ADGRG6: variants seen among roughly 807,000 people sequenced by gnomAD.
ADGRG6 encodes the protein G-protein coupled receptor 126.
In ADGRG6, 84 loss-of-function variants were observed where a neutral mutation model predicts 142.4. That is an observed-to-expected ratio of 0.59 (90% CI 0.49 to 0.71). The LOEUF (loss-of-function observed/expected upper bound fraction) is 0.71. Among genes scored for constraint, ADGRG6 ranks in the 30% least tolerant of loss-of-function variants. ADGRG6 has a pLI of 0.00. For missense variants in ADGRG6, 1,367 were observed against 1,466.6 expected, an observed-to-expected ratio of 0.93 and a Z score of 1.11; for synonymous variants, 521 against 520.5, an observed-to-expected ratio of 1.00 and a Z score of -0.01.
In ADGRG6 at chr6:142,410,194, A is replaced by G. The variant is rs148991532; in HGVS notation, c.2434+275A>G. Among the ~76,000 whole-genome samples, 1,055 of 152,196 alleles carry G rather than the reference A, an allele frequency of 6.9e-3. 9 individuals carry two copies. Among genetic ancestry groups the G allele is most frequent in the African/African-American group, 0.023 (970 of 41,552 alleles). On this transcript the variant is annotated intron_variant, in intron 17 of 24. Transcript: ENST00000367609. ...CTCTTTGACATCAGTTATTTATAAA[A>G]TACAGCATACAATTTTATTGCTACT...
At chr6:142,385,584 T>C (rs1344312103) in intron 6 of ADGRG6, among the ~76,000 whole-genome samples, 2 of 152,216 alleles carry the variant, frequency 1.3e-5, no homozygotes, top group Non-Finnish European at 2.9e-5. Flanking sequence ...AAACCAGTCC[T>C]ACTTGTTATA....
chr6:142,375,188 C>T (rs1024978827), intron 4 of ADGRG6, among the ~76,000 whole-genome samples: 5 of 152,170 alleles, frequency 3.3e-5, no homozygotes, highest in Non-Finnish European at 7.4e-5. Context: ...TAAACTCTGT[C>T]CCTGAGACTC....
chr6:142,354,274 G>A (rs2114789635), intron 2 of ADGRG6, among the ~76,000 whole-genome samples: 1 of 152,296 alleles, frequency 6.6e-6, no homozygotes, highest in African/African-American at 2.4e-5. Context: ...GGCTACTCAG[G>A]AGGCTGAGGC....
intron 7 of ADGRG6, among the ~76,000 whole-genome samples, chr6:142,392,013 A>G (rs1224871058): frequency 1.3e-5 from 2 of 151,928 alleles, no homozygotes; most frequent in Non-Finnish European, 2.9e-5. Flanking sequence ...TTTACTAGAC[A>G]TTTTTGTTTA....
intron 15 of ADGRG6, among the ~76,000 whole-genome samples, chr6:142,406,135 G>A (rs1195537540): frequency 6.6e-6 from 1 of 151,334 alleles, no homozygotes; most frequent in Non-Finnish European, 1.5e-5. Context: ...AATATTTTAT[G>A]CTCTCCAATC....
chr6:142,439,374 A>G (rs780073637), intron 24 of ADGRG6, among the ~76,000 whole-genome samples: 2 of 152,208 alleles, frequency 1.3e-5, no homozygotes, highest in Non-Finnish European at 2.9e-5. Flanking sequence ...AAACATGAGC[A>G]GAGGTGAATG....
At chr6:142,406,582 G>A (rs1280548651) in intron 15 of ADGRG6, among the ~76,000 whole-genome samples, 2 of 152,172 alleles carry the variant, frequency 1.3e-5, no homozygotes, top group Non-Finnish European at 2.9e-5. Flanking sequence ...TATGTCATGT[G>A]TAGAGGAGCA....
intron 14 of ADGRG6, among the ~76,000 whole-genome samples, chr6:142,404,843 G>T (rs915033595): frequency 6.6e-6 from 1 of 152,132 alleles, no homozygotes; most frequent in South Asian, 2.1e-4. Context: ...GGGATAGCAG[G>T]TGACAGTACG....
chr6:142,367,906 C>A lies in ADGRG6; in HGVS notation c.441C>A (p.Ile147=), dbSNP rs1481110371. The change falls in exon 3 of 25, where the codon ATC becomes ATA. Residue 147 remains isoleucine, a synonymous_variant. Coordinates refer to ENST00000367609, the MANE Select transcript of ADGRG6 (RefSeq NM_198569.3). The part of the protein sequence containing the change: ...IQKKGFNASY[I]RVAVSLRNQK... ...AGAAAGGTTTCAATGCCAGCTACATCAGAGGTATGTAAACCAAAGGCAACG... is the reference window on the plus strand; with the variant it reads ...AGAAAGGTTTCAATGCCAGCTACATAAGAGGTATGTAAACCAAAGGCAACG... The A allele has an allele frequency of 3.8e-6, 6 of 1,590,838 alleles. No individual in the cohort carries two copies. The highest frequency in any genetic ancestry group is 5.1e-6 in the Non-Finnish European group (6 of 1,166,434).
rs371000617 is a variant in ADGRG6, at chr6:142,370,165, C to T, written c.446-5C>T. ...GTTTATCTTTCTTGTTATGTTTTGT[C>T]CTAGTTGCCGTGTCCTTAAGGAATC... On this transcript the variant is annotated splice_polypyrimidine_tract_variant and splice_region_variant and intron_variant, in intron 3 of 24. Transcript: ENST00000367609. The T allele has an allele frequency of 1.9e-6, 3 of 1,587,182 alleles. No individual in the cohort carries two copies. The African/African-American group carries it at 4.0e-5, about 21-fold the overall frequency.
Position 142,400,537 on chromosome 6 carries a change from A to G in ADGRG6, c.1620A>G (p.Gln540=). The change falls in exon 11 of 25, where the codon CAA becomes CAG. Residue 540 remains glutamine (Q), a synonymous_variant. Coordinates refer to ENST00000367609, the MANE Select transcript of ADGRG6 (RefSeq NM_198569.3). ...AAGGCTACTACTGGCCATCTATCCA[A>G]CCTTCTGAATACGTTCTTCCTTGTC... is the stretch of plus-strand genomic sequence containing the variant. ...EPKGYYWPSI[Q]PSEYVLPCPD... The G allele has an allele frequency of 2.5e-6, 4 of 1,608,426 alleles. No homozygotes were observed. The South Asian group carries it at 3.3e-5, about 13-fold the overall frequency.
chr6:142,433,886 A>C (rs1777343021), intron 22 of ADGRG6, among the ~76,000 whole-genome samples: 1 of 152,058 alleles, frequency 6.6e-6, no homozygotes, highest in Non-Finnish European at 1.5e-5. Context: ...TGAGACCCCC[A>C]CTTCTACAAA....
chr6:142,420,052 A>G lies in ADGRG6; in HGVS notation c.3267A>G (p.Gly1089=). 1.2e-6 allele frequency: 2 copies of G among 1,613,188 alleles called. No homozygotes were observed. The highest frequency in any genetic ancestry group is 1.3e-5 in the African/African-American group (1 of 74,964). Residue 1089 remains glycine, a synonymous_variant, in exon 22 of 25, where the codon GGA becomes GGG. Transcript: ENST00000367609. Reference sequence around the variant, plus strand: ...GGGGTTTTGCATTCTTTGCCTGGGGACCCTTAAATATCCCCTTCATGTACC... The same window carrying G: ...GGGGTTTTGCATTCTTTGCCTGGGGGCCCTTAAATATCCCCTTCATGTACC... The part of the protein sequence containing the change: ...MTWGFAFFAW[G]PLNIPFMYLF...
At chr6:142,361,462 A>T (rs936720289) in intron 2 of ADGRG6, among the ~76,000 whole-genome samples, 6 of 152,248 alleles carry the variant, frequency 3.9e-5, no homozygotes, top group African/African-American at 1.4e-4. Context: ...TGGTGCTTGG[A>T]GAGGGCTGAG....
At chr6:142,439,339 T>A (rs943706145) in intron 24 of ADGRG6, among the ~76,000 whole-genome samples, 1 of 152,240 alleles carries the variant, frequency 6.6e-6, no homozygotes, top group African/African-American at 2.4e-5. Context: ...AAATAACTTT[T>A]AAATTTTTAA....
In ADGRG6 at chr6:142,370,708, T is replaced by C; in HGVS notation, c.984T>C (p.Asn328=). ...AAATCCTCTCCAACCTCAGCTGTAA[T>C]GTGAAAGGGAATGTAGTCGACTGGC... ...NAKILSNLSC[N]VKGNVVDWQN... Residue 328 remains asparagine (N), a synonymous_variant, in exon 4 of 25, where the codon AAT becomes AAC. Coordinates refer to ENST00000367609, the MANE Select transcript of ADGRG6 (RefSeq NM_198569.3). 6.2e-7 allele frequency: 1 copy of C among 1,613,712 alleles called. No individual in the cohort carries two copies. The highest frequency in any genetic ancestry group is 8.5e-7 in the Non-Finnish European group (1 of 1,179,740).
chr6:142,378,749 TATTTTCTATAGAG>T (rs1781613784), intron 4 of ADGRG6, among the ~76,000 whole-genome samples: 1 of 152,190 alleles, frequency 6.6e-6, no homozygotes, highest in Non-Finnish European at 1.5e-5. Flanking sequence ...CAACTCAAAC[TATTTTCTATAGAG>T]TTACTACCAA....
intron 15 of ADGRG6, among the ~76,000 whole-genome samples, chr6:142,407,015 G>A (rs957239241): frequency 4.6e-5 from 7 of 151,684 alleles, no homozygotes; most frequent in Admixed American, 2.6e-4. Flanking sequence ...TTCTCCTTTG[G>A]TATTTCTCTA....
chr6:142,407,850 T>C (rs1775885038), intron 15 of ADGRG6, among the ~76,000 whole-genome samples: 2 of 152,196 alleles, frequency 1.3e-5, no homozygotes, highest in South Asian at 4.1e-4. Context: ...TTTATATTAT[T>C]TATGAGTCTG....
Sources: allele counts gnomAD v4.1 joint callset (sites outside exome capture counted in the v4.1 genomes callset), GRCh38; gene constraint gnomAD v4.1.1; transcripts MANE v1.5; gene names NCBI Gene and HGNC (gene_info 2026-07-23, HGNC 2026-07-21).